The following TMEM212 variants were observed in gnomAD, a reference collection of about 807,000 sequenced individuals.
TMEM212 encodes transmembrane protein 212.
TMEM212 carries 23 observed loss-of-function variants against 20.5 expected under a neutral mutation model. The observed-to-expected ratio is 1.12, with a 90% CI of 0.81 to 1.59. TMEM212 has a LOEUF of 1.59. Among genes scored for constraint, TMEM212 ranks in the 40% most tolerant of loss-of-function variants. The pLI, the probability that TMEM212 is intolerant of heterozygous loss-of-function variation, is 0.00. For synonymous variants in TMEM212, 76 were observed against 81.6 expected (o/e 0.93, Z 0.37); for missense variants, 211 against 215.0 (o/e 0.98, Z 0.12).
chr3:171,853,021 T>C lies in TMEM212; in HGVS notation c.220-506T>C, dbSNP rs180771266. ...CAAGAACCTTGAGCAGGGATTTTGT[T>C]CACTCATCTTTGTTTTTCCCAACCC... On this transcript the variant is annotated intron_variant, in intron 2 of 4. Coordinates refer to ENST00000334567, the MANE Select transcript of TMEM212 (RefSeq NM_001164436.2). 3.3e-5 allele frequency among the ~76,000 whole-genome samples: 5 copies of C among 152,368 alleles called. No homozygotes were observed. The East Asian group carries it at 5.8e-4, about 18-fold the overall frequency.
Position 171,852,978 on chromosome 3 carries a change from T to A in TMEM212, c.220-549T>A, listed in dbSNP as rs1026582336. ...CAGTGCTACTGAATGATGGACCACA[T>A]CCTGAGTAGCTGAGTAGCAAGAACC... On this transcript the variant is annotated intron_variant, in intron 2 of 4. Coordinates refer to ENST00000334567, the MANE Select transcript of TMEM212 (RefSeq NM_001164436.2). 2.0e-5 allele frequency among the ~76,000 whole-genome samples: 3 copies of A among 152,328 alleles called. No individual in the cohort carries two copies. In the East Asian group the frequency reaches 5.8e-4, roughly 29 times the overall value.
Position 171,858,946 on chromosome 3 carries a change from T to C in TMEM212, c.*889T>C, listed in dbSNP as rs534809836. The C allele has an allele frequency of 6.6e-6, 1 of 152,298 alleles. No homozygotes were observed. Among genetic ancestry groups the C allele is most frequent in the Admixed American group, 6.5e-5 (1 of 15,284 alleles). 9.4% of individuals were successfully genotyped at this position (152,298 alleles called of 1,614,324 possible). On this transcript the variant is annotated 3_prime_UTR_variant, in exon 5 of 5. Coordinates refer to ENST00000334567, the MANE Select transcript of TMEM212 (RefSeq NM_001164436.2). ...TTGGATTAAGAAAATGTGGCACATA[T>C]ACACCATGGAATACTACGCAGCCAT... is the stretch of plus-strand genomic sequence containing the variant.
chr3:171,847,221 G>A (rs1560325072), intron 1 of TMEM212, among the ~76,000 whole-genome samples: 1 of 152,244 alleles, frequency 6.6e-6, no homozygotes, highest in Non-Finnish European at 1.5e-5. Context: ...AACATGGCTT[G>A]TAGATCAAGT....
rs1725190538 is a variant in TMEM212, at chr3:171,859,088, G to C, written c.*1031G>C. On this transcript the variant is annotated 3_prime_UTR_variant, in exon 5 of 5. Coordinates refer to ENST00000334567, the MANE Select transcript of TMEM212 (RefSeq NM_001164436.2). ...CACCACATGTTCTCACTCATAGGTG[G>C]GAATTGAACAATGGGAACACTTGGA... 6.6e-6 allele frequency: 1 copy of C among 152,140 alleles called. No homozygotes were observed. 9.4% of individuals were successfully genotyped at this position (152,140 alleles called of 1,614,324 possible). A position where few individuals can be genotyped will look rare whatever the true frequency, so the allele number is the denominator to read the frequency against.
intron 4 of TMEM212, among the ~76,000 whole-genome samples, chr3:171,857,204 G>C (rs1168931014): frequency 6.6e-6 from 1 of 151,766 alleles, no homozygotes; most frequent in Non-Finnish European, 1.5e-5. Context: ...AGAGTTCCAT[G>C]ATAAAATAAA....
chr3:171,850,490 C>G (rs1037142118), intron 1 of TMEM212, among the ~76,000 whole-genome samples: 1 of 152,228 alleles, frequency 6.6e-6, no homozygotes, highest in Non-Finnish European at 1.5e-5. Flanking sequence ...CAGAGTTAAA[C>G]CAGCAGAGGG....
rs1049027883 is a variant in TMEM212, at chr3:171,859,258, C to T, written c.*1201C>T. On this transcript the variant is annotated 3_prime_UTR_variant, in exon 5 of 5. Transcript: ENST00000334567. ...GGCACATATATACCTATGCAACAAA[C>T]CTGCATGTTGTGCACATGTACCCTA... is the stretch of plus-strand genomic sequence containing the variant. 6.6e-6 allele frequency: 1 copy of T among 151,846 alleles called. No individual in the cohort carries two copies. The highest frequency in any genetic ancestry group is 2.4e-5 in the African/African-American group (1 of 41,308). The allele number at this position is 151,846 out of a possible 1,614,324, so 9.4% of individuals were successfully genotyped here.
chr3:171,846,913 A>C (rs987779608), intron 1 of TMEM212, among the ~76,000 whole-genome samples: 6 of 152,172 alleles, frequency 3.9e-5, no homozygotes, highest in African/African-American at 1.4e-4. Flanking sequence ...AGATTTGTAC[A>C]TTTCAACCAT....
chr3:171,851,036 G>T (rs1157462536), intron 1 of TMEM212, among the ~76,000 whole-genome samples: 4 of 152,084 alleles, frequency 2.6e-5, no homozygotes, highest in Admixed American at 2.6e-4. Flanking sequence ...TAACTTTGTT[G>T]ATTGTGTACA....
intron 1 of TMEM212, among the ~76,000 whole-genome samples, chr3:171,851,279 T>C (rs187789568): frequency 1.4e-4 from 21 of 152,310 alleles, no homozygotes; most frequent in Admixed American, 7.8e-4. Context: ...AGGAATATAT[T>C]TTTTTCATTA....
At chr3:171,845,790 C>T (rs776980954) in intron 1 of TMEM212, among the ~76,000 whole-genome samples, 8 of 152,074 alleles carry the variant, frequency 5.3e-5, no homozygotes, top group Non-Finnish European at 7.4e-5. Context: ...GTTCCTCATT[C>T]CCTTTATCTG....
chr3:171,855,299 C>T (rs529985459), intron 3 of TMEM212, among the ~76,000 whole-genome samples: 1 of 152,026 alleles, frequency 6.6e-6, no homozygotes, highest in Admixed American at 6.6e-5. Flanking sequence ...AAGGGAATTG[C>T]TTTTTAAACA....
chr3:171,852,619 G>A (rs1034886435), intron 2 of TMEM212, among the ~76,000 whole-genome samples: 1 of 152,178 alleles, frequency 6.6e-6, no homozygotes, highest in African/African-American at 2.4e-5. Context: ...TTGAAGAAAT[G>A]GATCTATAGG....
chr3:171,848,237 G>C (rs115356236), intron 1 of TMEM212, among the ~76,000 whole-genome samples: 2 of 152,218 alleles, frequency 1.3e-5, no homozygotes, highest in Non-Finnish European at 2.9e-5. Flanking sequence ...GCAGGTCTGG[G>C]GTGGGGCCTG....
chr3:171,853,752 C>T lies in TMEM212; in HGVS notation c.445C>T (p.Gln149Ter). Residue 149 changes from glutamine to a stop codon, truncating the protein, a stop_gained, in exon 3 of 5, where the codon CAA becomes TAA. Transcript: ENST00000334567. LOFTEE classifies it high-confidence loss of function. ...PHYEEYHLTL[Q>*]ALDLCLSFTL... ...CTACGAAGAGTACCACCTGACACTT[C>T]AAGCCCTAGACCTGTGCCTAAGCTT... The T allele has an allele frequency of 3.3e-6, 5 of 1,537,454 alleles. No homozygotes were observed. Among genetic ancestry groups the T allele is most frequent in the Non-Finnish European group, 4.4e-6 (5 of 1,146,924 alleles).
chr3:171,847,252 G>A (rs1724853586), intron 1 of TMEM212, among the ~76,000 whole-genome samples: 2 of 152,208 alleles, frequency 1.3e-5, no homozygotes, highest in Admixed American at 6.5e-5. Context: ...AGACTGGAGT[G>A]CAATGAGTTT....
Position 171,856,982 on chromosome 3 carries a change from A to G in TMEM212, c.*3+275A>G, listed in dbSNP as rs115376638. On this transcript the variant is annotated intron_variant, in intron 4 of 4. Coordinates refer to ENST00000334567, the MANE Select transcript of TMEM212 (RefSeq NM_001164436.2). ...AAAATCACCTAAGCCCACAAAGTAT[A>G]GGGTAGTACCTGGAGTGCTAGTCTA... is the stretch of plus-strand genomic sequence containing the variant. 1,218 of 257,060 alleles carry G rather than the reference A, an allele frequency of 4.7e-3. 14 individuals are homozygous for G. Among genetic ancestry groups the G allele is most frequent in the African/African-American group, 0.025 (1,123 of 45,182 alleles). The allele number at this position is 257,060 out of a possible 1,614,324, so 15.9% of individuals were successfully genotyped here. A position where few individuals can be genotyped will look rare whatever the true frequency, so the allele number is the denominator to read the frequency against.
chr3:171,850,308 C>G (rs1318306135), intron 1 of TMEM212, among the ~76,000 whole-genome samples: 1 of 152,142 alleles, frequency 6.6e-6, no homozygotes, highest in East Asian at 1.9e-4. Context: ...CATGAAAGAT[C>G]TTTTTCAAAG....
chr3:171,847,367 C>T lies in TMEM212; in HGVS notation c.159+3825C>T, dbSNP rs528046801. Among the ~76,000 whole-genome samples, 12 of 152,338 alleles carry T rather than the reference C, an allele frequency of 7.9e-5. No individual in the cohort carries two copies. The South Asian group carries it at 1.9e-3, about 24-fold the overall frequency. On this transcript the variant is annotated intron_variant, in intron 1 of 4. Coordinates refer to ENST00000334567, the MANE Select transcript of TMEM212 (RefSeq NM_001164436.2). The stretch of plus-strand genomic sequence containing the variant: ...AGAAGGGAATTTGGGAGAAAGGTCA[C>T]GCTAGATTTAGTTTTGCAGTCTTCC...
Sources: gnomAD v4.1 joint callset for allele counts (sites outside exome capture counted in the v4.1 genomes callset) on GRCh38, gnomAD v4.1.1 for gene constraint, MANE v1.5 for transcripts, NCBI Gene and HGNC (gene_info 2026-07-23, HGNC 2026-07-21) for gene names.